Variants in ODF2 observed in about 807,000 individuals in gnomAD.
ODF2 encodes outer dense fiber protein 2.
In ODF2, 47 loss-of-function variants were observed where a neutral mutation model predicts 110.2. That is an observed-to-expected ratio of 0.43 (90% CI 0.34 to 0.54). ODF2 has a LOEUF of 0.54. ODF2 is among the 20% of genes least tolerant of loss of function. The pLI is 0.03. For missense variants in ODF2, 812 were observed against 1,054.5 expected, an observed-to-expected ratio of 0.77 and a Z score of 3.19; for synonymous variants, 352 against 397.7, an observed-to-expected ratio of 0.89 and a Z score of 1.37.
intron 4 of ODF2, among the ~76,000 whole-genome samples, chr9:128,462,815 G>A (rs1385351275): frequency 3.3e-5 from 5 of 151,684 alleles, no homozygotes; most frequent in East Asian, 3.9e-4. Context: ...GGATGGTCTC[G>A]ATCTCCTGAC....
chr9:128,499,093 G>A (rs376287856), exon 20 of ODF2: 44 of 1,614,002 alleles, frequency 2.7e-5, no homozygotes, highest in Admixed American at 6.7e-5. Context: ...GAACCAAAAC[G>A]GAATTGAGCC....
At chr9:128,500,487 G>A (rs146690886), downstream of ODF2, 556 of 512,904 alleles carry the variant, frequency 1.1e-3, 2 homozygotes, top group South Asian at 5.7e-3. Flanking sequence ...AAATTTCCTC[G>A]ACAGGCCTTA....
At chr9:128,490,329 C>T (rs1844286563) in intron 14 of ODF2, among the ~76,000 whole-genome samples, 1 of 151,884 alleles carries the variant, frequency 6.6e-6, no homozygotes. Flanking sequence ...GTTGCCCAGG[C>T]TGGAGTGAAG....
At chr9:128,456,353 G>T (rs1419698781) in intron 1 of ODF2, 98 bp downstream of exon 1, 13 of 1,434,280 alleles carry the variant, frequency 9.1e-6, no homozygotes, top group Non-Finnish European at 1.0e-5. Context: ...CCGCGGGGCC[G>T]TCGGGTCCTG....
chr9:128,457,326 T>C, exon 2 of ODF2: 1 of 1,610,356 alleles, frequency 6.2e-7, no homozygotes, highest in Non-Finnish European at 8.5e-7. Context: ...AGAGGCTCAT[T>C]GACAAGCCTG....
intron 18 of ODF2, among the ~76,000 whole-genome samples, chr9:128,496,981 GCCT>G (rs1339742931): frequency 6.6e-6 from 1 of 152,080 alleles, no homozygotes; most frequent in Non-Finnish European, 1.5e-5. Flanking sequence ...ACCCACCTAG[GCCT>G]CCTAGAGTGC....
chr9:128,463,989 C>T (rs1425137444), intron 4 of ODF2, among the ~76,000 whole-genome samples: 1 of 151,814 alleles, frequency 6.6e-6, no homozygotes, highest in Non-Finnish European at 1.5e-5. Context: ...GGATTACAGG[C>T]ACGCACCACC....
exon 20 of ODF2, chr9:128,499,057 C>T (rs372836850): frequency 1.4e-5 from 23 of 1,614,180 alleles, no homozygotes; most frequent in South Asian, 3.3e-5. Flanking sequence ...AGAACAAAAT[C>T]CTGGACCTTG....
At chr9:128,465,735 G>A (rs143725368) in intron 4 of ODF2, among the ~76,000 whole-genome samples, 106 of 143,238 alleles carry the variant, frequency 7.4e-4, no homozygotes, top group Middle Eastern at 3.8e-3. Context: ...GCGAGACTCC[G>A]TCTCAAAAAA....
In ODF2 at chr9:128,470,002, AAAAAAAAAAAAAAAAAATAT is replaced by A. The variant is rs1168791981; in HGVS notation, c.420+651_420+670del. ...CTGTCTCAAAAAAAAAAAAAAAAAA[AAAAAAAAAAAAAAAAAATAT>A]ATATATATATATATATATATATATA... On this transcript the variant is annotated intron_variant, in intron 5 of 20. Coordinates refer to ENST00000604420, the Ensembl canonical transcript of ODF2. 4.1e-4 allele frequency among the ~76,000 whole-genome samples: 16 copies of A among 39,102 alleles called. 1 individual carries two copies. The highest frequency in any genetic ancestry group is 2.3e-3 in the South Asian group (1 of 442). 25.7% of individuals were successfully genotyped at this position (39,102 alleles called of 152,430 possible). A position where few individuals can be genotyped will look rare whatever the true frequency, so the allele number is the denominator to read the frequency against.
upstream of ODF2, chr9:128,455,395 C>CAA (rs56260592): frequency 6.8e-4 from 300 of 439,354 alleles, 1 homozygote; most frequent in East Asian, 2.3e-3. Flanking sequence ...ACTAAAAATA[C>CAA]AAAAAAAAAT....
At chr9:128,488,874 G>A (rs181534361) in intron 14 of ODF2, among the ~76,000 whole-genome samples, 4 of 152,286 alleles carry the variant, frequency 2.6e-5, no homozygotes, top group Middle Eastern at 3.4e-3. Context: ...GGGCATGGTG[G>A]TGTGTGCCTG....
intron 4 of ODF2, among the ~76,000 whole-genome samples, chr9:128,462,146 CTT>C (rs917703238): frequency 2.8e-5 from 4 of 143,952 alleles, no homozygotes; most frequent in African/African-American, 5.1e-5. Context: ...ATCAATGAAT[CTT>C]TTTTTTTTTT....
chr9:128,460,413 C>T, intron 3 of ODF2, 137 bp from the exon 3 acceptor site: 1 of 1,459,762 alleles, frequency 6.9e-7, no homozygotes, highest in African/African-American at 1.4e-5. Context: ...TGCCTGCATG[C>T]CAGTAGTTGG....
chr9:128,458,835 A>AT (rs1239174983), intron 2 of ODF2, among the ~76,000 whole-genome samples: 1 of 151,208 alleles, frequency 6.6e-6, no homozygotes, highest in Non-Finnish European at 1.5e-5. Flanking sequence ...CTTTGAAAAA[A>AT]TTTTTTTTTC....
At chr9:128,467,226 C>G (rs893751216) in intron 4 of ODF2, among the ~76,000 whole-genome samples, 5 of 150,512 alleles carry the variant, frequency 3.3e-5, no homozygotes, top group African/African-American at 1.2e-4. Flanking sequence ...CAGACCTCTA[C>G]AGCATGATGC....
At chr9:128,465,041 A>C (rs1837493802) in intron 4 of ODF2, among the ~76,000 whole-genome samples, 1 of 152,150 alleles carries the variant, frequency 6.6e-6, no homozygotes, top group African/African-American at 2.4e-5. Context: ...CTGCTATGAA[A>C]AATTTTCCTG....
At chr9:128,466,295 A>G (rs1320868430) in intron 4 of ODF2, among the ~76,000 whole-genome samples, 1 of 151,854 alleles carries the variant, frequency 6.6e-6, no homozygotes, top group Non-Finnish European at 1.5e-5. Context: ...ACGAAACCGT[A>G]TCTCTACCAA....
downstream of ODF2, chr9:128,501,132 A>C (rs1051783730): frequency 1.8e-4 from 28 of 152,184 alleles, no homozygotes; most frequent in African/African-American, 5.8e-4. Context: ...TCACATTGTA[A>C]TCAATGAACT....
Sources: gnomAD v4.1 joint callset for allele counts (sites outside exome capture counted in the v4.1 genomes callset) on GRCh38, gnomAD v4.1.1 for gene constraint, MANE v1.5 for transcripts, NCBI Gene and HGNC (gene_info 2026-07-23, HGNC 2026-07-21) for gene names.